The following IKZF2 variants were observed in gnomAD, a reference collection of about 807,000 sequenced individuals.
The protein encoded by IKZF2 is zinc finger protein Helios.
IKZF2 carries 15 observed loss-of-function variants against 49.2 expected under a neutral mutation model. That is an observed-to-expected ratio of 0.30 (90% confidence interval 0.20 to 0.47). The LOEUF (loss-of-function observed/expected upper bound fraction) is 0.47. IKZF2 is among the 20% of genes least tolerant of loss of function. The probability of loss-of-function intolerance (pLI) is 1.00; values close to 1 mark genes in which losing one functional copy is unlikely to be tolerated. For synonymous variants in IKZF2, 227 were observed against 221.4 expected, an observed-to-expected ratio of 1.03 and a Z score of -0.23; for missense variants, 567 against 664.6, an observed-to-expected ratio of 0.85 and a Z score of 1.61.
At chr2:213,075,165 A>C (rs1160367224) in intron 4 of IKZF2, among the ~76,000 whole-genome samples, 1 of 152,140 alleles carries the variant, frequency 6.6e-6, no homozygotes, top group Non-Finnish European at 1.5e-5. Flanking sequence ...TCGTTATTTC[A>C]ACACATGTCC....
At chr2:213,131,013 G>A (rs1242372546) in intron 4 of IKZF2, among the ~76,000 whole-genome samples, 4 of 152,114 alleles carry the variant, frequency 2.6e-5, no homozygotes, top group African/African-American at 9.7e-5. Flanking sequence ...TGTAAAACTA[G>A]ATAATGATTG....
chr2:213,019,818 AGG>A (rs1212060636), intron 7 of IKZF2, among the ~76,000 whole-genome samples: 1 of 152,122 alleles, frequency 6.6e-6, no homozygotes, highest in African/African-American at 2.4e-5. Context: ...TCTGGGGAAT[AGG>A]GGGTAAGACT....
rs989068502 is a variant in IKZF2 at position 213,022,495 on chromosome 2, T to TG, written c.575-366dup. 6.3e-4 allele frequency among the ~76,000 whole-genome samples: 64 copies of TG among 101,724 alleles called. 1 individual carries two copies. The Middle Eastern group carries it at 0.034, about 54-fold the overall frequency. The allele number at this position is 101,724 out of a possible 152,430, so 66.7% of individuals were successfully genotyped here. A position where few individuals can be genotyped will look rare whatever the true frequency, so the allele number is the denominator to read the frequency against. On this transcript the variant is annotated intron_variant, in intron 6 of 8. Transcript: ENST00000434687. ...AGTATCCTAGATACATCAAGAGTTGTGGTTTTTTTTTGTTTGTTTTCTTTT... is the reference window on the plus strand; with the variant it reads ...AGTATCCTAGATACATCAAGAGTTGTGGGTTTTTTTTTGTTTGTTTTCTTTT...
chr2:213,139,225 A>G (rs891537013), intron 4 of IKZF2, among the ~76,000 whole-genome samples: 2 of 151,920 alleles, frequency 1.3e-5, no homozygotes, highest in Non-Finnish European at 2.9e-5. Flanking sequence ...GATTTAGCCT[A>G]GGAAGCCAAG....
At chr2:213,050,699 GT>G (rs1204927909) in intron 5 of IKZF2, among the ~76,000 whole-genome samples, 4 of 152,018 alleles carry the variant, frequency 2.6e-5, no homozygotes, top group Admixed American at 1.3e-4. Context: ...TTGCTATGAA[GT>G]TTTTAAGCCT....
chr2:213,075,960 T>A (rs1239491283), intron 4 of IKZF2, among the ~76,000 whole-genome samples: 1 of 152,198 alleles, frequency 6.6e-6, no homozygotes, highest in East Asian at 1.9e-4. Flanking sequence ...TTTAGGTTAA[T>A]GGCACATAGC....
chr2:213,081,974 A>G (rs1251763155), intron 4 of IKZF2, among the ~76,000 whole-genome samples: 1 of 152,198 alleles, frequency 6.6e-6, no homozygotes, highest in Admixed American at 6.5e-5. Flanking sequence ...AAGTTTAAAT[A>G]AGAACTAAAC....
intron 2 of IKZF2, among the ~76,000 whole-genome samples, chr2:213,149,884 A>C (rs1404393229): frequency 6.6e-6 from 1 of 151,810 alleles, no homozygotes; most frequent in Non-Finnish European, 1.5e-5. Context: ...CTGTACTGTT[A>C]TCACATTCTT....
chr2:213,018,770 C>T (rs1046956146), intron 7 of IKZF2, among the ~76,000 whole-genome samples: 1 of 152,118 alleles, frequency 6.6e-6, no homozygotes, highest in African/African-American at 2.4e-5. Context: ...TGTTAATTAT[C>T]TTTTATATCT....
chr2:213,048,508 T>C (rs1700381262), intron 6 of IKZF2, among the ~76,000 whole-genome samples: 1 of 152,092 alleles, frequency 6.6e-6, no homozygotes, highest in African/African-American at 2.4e-5. Flanking sequence ...GAAGTATATT[T>C]CAATAAAGAA....
chr2:213,113,484 A>G (rs2059777997), intron 4 of IKZF2, among the ~76,000 whole-genome samples: 1 of 152,202 alleles, frequency 6.6e-6, no homozygotes, highest in Non-Finnish European at 1.5e-5. Flanking sequence ...TTTTACTATT[A>G]CATAAGCTTG....
intron 4 of IKZF2, among the ~76,000 whole-genome samples, chr2:213,136,092 G>A (rs185857443): frequency 6.7e-6 from 1 of 149,222 alleles, no homozygotes; most frequent in Non-Finnish European, 1.5e-5. Flanking sequence ...AGAAAGAGCC[G>A]GGGGCAGTGG....
rs542207337 is a variant in IKZF2 at position 213,060,651 on chromosome 2, G to A, written c.140-3552C>T. 9.9e-5 allele frequency among the ~76,000 whole-genome samples: 15 copies of A among 151,430 alleles called. No individual in the cohort carries two copies. The South Asian group carries it at 2.7e-3, about 27-fold the overall frequency. On this transcript the variant is annotated intron_variant, in intron 4 of 8. Transcript: ENST00000434687. ...GGCATATCTGTGGAAATGTACACAC[G>A]TTATCATATGCTAATAAGCAATAAT...
At chr2:213,083,444 G>T (rs1704202433) in intron 4 of IKZF2, among the ~76,000 whole-genome samples, 1 of 141,722 alleles carries the variant, frequency 7.1e-6, no homozygotes, top group South Asian at 2.2e-4. Flanking sequence ...AGGCTGGAGT[G>T]CAATGGCGCA....
rs1422352503 is a variant in IKZF2, at chr2:213,000,026, A to C, written c.*7334T>G. 2 of 152,032 alleles carry C rather than the reference A, an allele frequency of 1.3e-5. No individual in the cohort carries two copies. Among genetic ancestry groups the C allele is most frequent in the Non-Finnish European group, 3.0e-5 (2 of 67,712 alleles). 9.4% of individuals were successfully genotyped at this position (152,032 alleles called of 1,614,324 possible). A position where few individuals can be genotyped will look rare whatever the true frequency, so the allele number is the denominator to read the frequency against. On this transcript the variant is annotated 3_prime_UTR_variant, in exon 9 of 9. Transcript: ENST00000434687. Reference sequence around the variant, plus strand: ...CATGTATGTGTGTGCATTAAAAACAAAGAAGATACAAGTCCCACATTTTAG... The same window carrying C: ...CATGTATGTGTGTGCATTAAAAACACAGAAGATACAAGTCCCACATTTTAG...
intron 8 of IKZF2, 104 bp from the exon 9 acceptor site, chr2:213,008,188 C>T: frequency 7.7e-7 from 1 of 1,296,910 alleles, no homozygotes; most frequent in Non-Finnish European, 1.0e-6. Context: ...CTGATTGCCT[C>T]CATTTTTCAT....
intron 4 of IKZF2, among the ~76,000 whole-genome samples, chr2:213,095,393 C>CT (rs1173458627): frequency 3.3e-5 from 5 of 152,064 alleles, no homozygotes; most frequent in African/African-American, 1.2e-4. Flanking sequence ...TACCATCATA[C>CT]TGGTGGTTGA....
chr2:213,072,614 A>C (rs1480080567), intron 4 of IKZF2, among the ~76,000 whole-genome samples: 1 of 136,508 alleles, frequency 7.3e-6, no homozygotes, highest in Non-Finnish European at 1.6e-5. Flanking sequence ...AGCCTTAGTG[A>C]ATTTCAGCAC....
At chr2:213,109,029 CATA>C (rs57222985) in intron 4 of IKZF2, among the ~76,000 whole-genome samples, 12,983 of 151,968 alleles carry the variant, frequency 0.085, 962 homozygotes, top group African/African-American at 0.2. Flanking sequence ...ATGTCTATGC[CATA>C]ATCATTCTTA....
Sources: allele counts gnomAD v4.1 joint callset (sites outside exome capture counted in the v4.1 genomes callset), GRCh38; gene constraint gnomAD v4.1.1; transcripts MANE v1.5; gene names NCBI Gene and HGNC (gene_info 2026-07-23, HGNC 2026-07-21).